Variants in LYSMD2 observed in about 807,000 individuals in gnomAD.
The protein encoded by LYSMD2 is lysM and putative peptidoglycan-binding domain-containing protein 2.
In LYSMD2, 6 loss-of-function variants were observed where a neutral mutation model predicts 17.7. That is an observed-to-expected ratio of 0.34 (90% confidence interval 0.19 to 0.67). The LOEUF (loss-of-function observed/expected upper bound fraction) is 0.67. LYSMD2 is among the 30% of genes least tolerant of loss of function. The pLI, the probability that LYSMD2 is intolerant of heterozygous loss-of-function variation, is 0.69. For synonymous variants in LYSMD2, 102 were observed against 129.8 expected (o/e 0.79, Z 1.45); for missense variants, 237 against 286.7 (o/e 0.83, Z 1.25).
intron 1 of LYSMD2, among the ~76,000 whole-genome samples, chr15:51,745,168 GATTTATACCAAAC>G (rs1435156161): frequency 3.9e-5 from 6 of 152,154 alleles, no homozygotes; most frequent in African/African-American, 1.4e-4. Flanking sequence ...CTTCATTGGT[GATTTATACCAAAC>G]ATTTAAAGAA....
chr15:51,747,447 C>T (rs1006515254), intron 1 of LYSMD2, among the ~76,000 whole-genome samples: 3 of 152,146 alleles, frequency 2.0e-5, no homozygotes, highest in Non-Finnish European at 4.4e-5. Flanking sequence ...GCCGAGATCA[C>T]GCCATTGCAC....
exon 1 of LYSMD2, chr15:51,751,367 G>GC: frequency 1.4e-6 from 1 of 702,400 alleles, no homozygotes; most frequent in African/African-American, 1.7e-5. Flanking sequence ...GCTCTCCGGA[G>GC]CCCCGAGCGT....
At chr15:51,729,115 G>A (rs769200922) in intron 1 of LYSMD2, among the ~76,000 whole-genome samples, 37 of 152,230 alleles carry the variant, frequency 2.4e-4, no homozygotes, top group Non-Finnish European at 4.8e-4. Context: ...CATGCAAAGC[G>A]CCAGGAATAA....
upstream of LYSMD2, among the ~76,000 whole-genome samples, chr15:51,738,589 A>G (rs1024353115): frequency 6.6e-6 from 1 of 152,134 alleles, no homozygotes; most frequent in African/African-American, 2.4e-5. Flanking sequence ...TGTATTATAC[A>G]CAGAGTGGGT....
Position 51,723,292 on chromosome 15 carries a change from T to G in LYSMD2, c.*315A>C. The G allele has an allele frequency of 3.9e-6, 1 of 255,682 alleles. No individual in the cohort carries two copies. Among genetic ancestry groups the G allele is most frequent in the East Asian group, 1.0e-4 (1 of 10,012 alleles). The allele number at this position is 255,682 out of a possible 1,614,324, so 15.8% of individuals were successfully genotyped here. A position where few individuals can be genotyped will look rare whatever the true frequency, so the allele number is the denominator to read the frequency against. The stretch of plus-strand genomic sequence containing the variant: ...AAGGAGATAAACATTATTTTTAGCC[T>G]AAATATATAAATAATCTTTGATGCT... On this transcript the variant is annotated 3_prime_UTR_variant, in exon 3 of 3. Transcript: ENST00000267838.
At chr15:51,739,664 G>A (rs918237003), upstream of LYSMD2, among the ~76,000 whole-genome samples, 5 of 152,172 alleles carry the variant, frequency 3.3e-5, no homozygotes, top group African/African-American at 1.2e-4. Context: ...TGAGCCAGGC[G>A]CAGTGGCCCA....
chr15:51,737,704 C>G (rs2055621222), upstream of LYSMD2: 1 of 1,032,886 alleles, frequency 9.7e-7, no homozygotes, highest in South Asian at 4.9e-5. This position sits in a 1 kb window ranked among gnomAD's most constrained non-coding sequence, Gnocchi z 4.2. Context: ...GCCGCCTCTT[C>G]CTCTTCACAG....
intron 1 of LYSMD2, among the ~76,000 whole-genome samples, chr15:51,727,739 A>G (rs2055549275): frequency 6.6e-6 from 1 of 152,204 alleles, no homozygotes; most frequent in African/African-American, 2.4e-5. Context: ...CTGCTGCACA[A>G]GTGACTCACT....
intron 1 of LYSMD2, among the ~76,000 whole-genome samples, chr15:51,750,656 G>T (rs1567232167): frequency 6.6e-6 from 1 of 152,188 alleles, no homozygotes; most frequent in Non-Finnish European, 1.5e-5. Context: ...ATTAGAAAAG[G>T]CCTCTGGAAG....
At chr15:51,731,597 G>A (rs1402937015) in intron 1 of LYSMD2, among the ~76,000 whole-genome samples, 2 of 152,242 alleles carry the variant, frequency 1.3e-5, no homozygotes, top group Non-Finnish European at 2.9e-5. Flanking sequence ...TGAGGGTACT[G>A]CGGGGTGAGG....
chr15:51,745,068 G>T (rs2055660724), intron 1 of LYSMD2, among the ~76,000 whole-genome samples: 1 of 152,048 alleles, frequency 6.6e-6, no homozygotes, highest in Admixed American at 6.6e-5. Context: ...GACTCAAGAA[G>T]AAATACACAA....
In LYSMD2 at chr15:51,725,073, A is replaced by C; in HGVS notation, c.322T>G (p.Phe108Val). The change falls in exon 2 of 3, where the codon TTT (phenylalanine) becomes GTT (valine). Residue 108 changes from phenylalanine to valine, a missense_variant. Physicochemically the swap from Phe to Val is conservative, Grantham distance 50 (BLOSUM62 -1). Transcript: ENST00000267838. ...GGGATGTTCAAAGTTTTCTTCAGAA[A>C]TATACAATCATTGGTAAACAGTTTA... ...ANKLFTNDCIFLKKTLNIPVI... is the reference protein window; with the variant it reads ...ANKLFTNDCIVLKKTLNIPVI... 6.2e-7 allele frequency: 1 copy of C among 1,612,506 alleles called. No individual in the cohort carries two copies. Among genetic ancestry groups the C allele is most frequent in the Non-Finnish European group, 8.5e-7 (1 of 1,178,746 alleles).
exon 1 of LYSMD2, chr15:51,751,315 A>G: frequency 1.4e-6 from 1 of 702,706 alleles, no homozygotes; most frequent in South Asian, 1.5e-5. Context: ...ATGCTCGCTC[A>G]CAGGAATGCT....
At chr15:51,724,094 T>C (rs1039667393) in intron 2 of LYSMD2, among the ~76,000 whole-genome samples, 8 of 151,948 alleles carry the variant, frequency 5.3e-5, no homozygotes, top group African/African-American at 9.7e-5. Flanking sequence ...AGAAATATTA[T>C]AGGAGTTGAA....
At chr15:51,733,738 T>C (rs1412282998) in intron 1 of LYSMD2, among the ~76,000 whole-genome samples, 1 of 152,172 alleles carries the variant, frequency 6.6e-6, no homozygotes, top group African/African-American at 2.4e-5. Context: ...GAGGCCCTTC[T>C]AAGCATGGGG....
chr15:51,750,718 C>T (rs2055694633), intron 1 of LYSMD2, among the ~76,000 whole-genome samples: 1 of 152,180 alleles, frequency 6.6e-6, no homozygotes, highest in Non-Finnish European at 1.5e-5. Flanking sequence ...TCCTATGTCA[C>T]CCCACTCTGC....
chr15:51,727,151 G>T (rs2055545226), intron 1 of LYSMD2, among the ~76,000 whole-genome samples: 1 of 152,138 alleles, frequency 6.6e-6, no homozygotes, highest in South Asian at 2.1e-4. Flanking sequence ...TAAGTTATCT[G>T]TCGTGCTGCT....
chr15:51,751,374 G>A (rs1397377687), exon 1 of LYSMD2: 2 of 702,368 alleles, frequency 2.8e-6, no homozygotes, highest in Non-Finnish European at 5.2e-6. Context: ...GGAGCCCCGA[G>A]CGTCTCCAAA....
At chr15:51,729,538 A>C (rs151032264) in intron 1 of LYSMD2, among the ~76,000 whole-genome samples, 1,718 of 152,344 alleles carry the variant, frequency 0.011, 33 homozygotes, top group African/African-American at 0.04. Context: ...GGCTCACTGC[A>C]ACCTCTTCCT....
Sources: allele counts gnomAD v4.1 joint callset (sites outside exome capture counted in the v4.1 genomes callset), GRCh38; gene constraint gnomAD v4.1.1; non-coding constraint Gnocchi (gnomAD v3.1); transcripts MANE v1.5; gene names NCBI Gene and HGNC (gene_info 2026-07-23, HGNC 2026-07-21).